The following LIFR variants were observed in gnomAD, a reference collection of about 807,000 sequenced individuals.
LIFR encodes the protein leukemia inhibitory factor receptor.
A neutral mutation model predicts 122.2 loss-of-function variants in LIFR; 84 were observed. That is an observed-to-expected ratio of 0.69 (90% CI 0.58 to 0.82). The LOEUF (loss-of-function observed/expected upper bound fraction) is 0.82. LIFR is among the 40% of genes least tolerant of loss of function. LIFR has a pLI of 0.00. For synonymous variants in LIFR, 422 were observed against 434.7 expected, an observed-to-expected ratio of 0.97 and a Z score of 0.36; for missense variants, 1,294 against 1,311.6, an observed-to-expected ratio of 0.99 and a Z score of 0.21.
In LIFR at chr5:38,564,051, T is replaced by C. The variant is rs375661367; in HGVS notation, c.-20+31210A>G. On this transcript the variant is annotated intron_variant, in intron 1 of 19. Transcript: ENST00000263409. ...GTCTCTCTTTAGTCCAAATGGCTCC[T>C]GTCCTTTGTCTCTGTAGGGTTGAAT... Among the ~76,000 whole-genome samples the C allele has an allele frequency of 5.0e-4, 76 of 152,328 alleles. 1 individual carries two copies. The highest frequency in any genetic ancestry group is 1.8e-3 in the African/African-American group (73 of 41,580).
intron 1 of LIFR, among the ~76,000 whole-genome samples, chr5:38,589,554 C>T (rs1292056070): frequency 6.6e-6 from 1 of 151,928 alleles, no homozygotes; most frequent in East Asian, 1.9e-4. Flanking sequence ...AATCTAGTAC[C>T]ATCAAATTTA....
At chr5:38,486,718 A>C (rs1744303873) in intron 16 of LIFR, among the ~76,000 whole-genome samples, 1 of 152,104 alleles carries the variant, frequency 6.6e-6, no homozygotes, top group African/African-American at 2.4e-5. Context: ...AAAGTAGCAA[A>C]CTTAGAGAGA....
rs1292988582 is a variant in LIFR, at chr5:38,479,773, A to T, written c.*1822T>A. On this transcript the variant is annotated 3_prime_UTR_variant, in exon 20 of 20. Coordinates refer to ENST00000453190, the MANE Select transcript of LIFR (RefSeq NM_001127671.2). ...AAGCTAAGGGAAGGAGCCAAAGAGG[A>T]TACAAAGGAAGACAAGAGAACACTC... The T allele has an allele frequency of 4.3e-6, 1 of 231,382 alleles. No individual in the cohort carries two copies. Among genetic ancestry groups the T allele is most frequent in the Non-Finnish European group, 8.5e-6 (1 of 116,976 alleles). 14.3% of individuals were successfully genotyped at this position (231,382 alleles called of 1,614,324 possible). A position where few individuals can be genotyped will look rare whatever the true frequency, so the allele number is the denominator to read the frequency against.
intron 5 of LIFR, among the ~76,000 whole-genome samples, chr5:38,515,950 T>C (rs1225376897): frequency 6.6e-6 from 1 of 152,136 alleles, no homozygotes; most frequent in East Asian, 1.9e-4. Flanking sequence ...TGCAAAATAA[T>C]AGGATATCAT....
chr5:38,571,349 C>T lies in LIFR; in HGVS notation c.-20+23912G>A, dbSNP rs187556979. On this transcript the variant is annotated intron_variant, in intron 1 of 19. Coordinates refer to the LIFR transcript ENST00000263409. ...GGCGGATCACTTGAAGTCAGGAGTT[C>T]GAGACCAGCCTGGCCAATATGGTGA... Among the ~76,000 whole-genome samples the T allele has an allele frequency of 2.2e-3, 331 of 151,978 alleles. 1 individual carries two copies. Among genetic ancestry groups the T allele is most frequent in the African/African-American group, 7.7e-3 (319 of 41,440 alleles).
intron 2 of LIFR, among the ~76,000 whole-genome samples, chr5:38,602,452 C>G (rs1456048105): frequency 1.3e-5 from 2 of 152,200 alleles, no homozygotes; most frequent in Admixed American, 6.5e-5. Flanking sequence ...TTAAGTCGTT[C>G]AAGCCCCAGT....
In LIFR at chr5:38,489,284, T is replaced by C. The variant is rs760421395; in HGVS notation, c.2168-39A>G. On this transcript the variant is annotated intron_variant, in intron 15 of 19. Transcript: ENST00000453190. ...AAGTCAATTGCTAAAGGGGAGTGTA[T>C]GAATACAGAGTAATACAGTAATGTT... The C allele has an allele frequency of 2.0e-6, 3 of 1,488,092 alleles. No homozygotes were observed. The East Asian group carries it at 6.8e-5, about 34-fold the overall frequency. 92.2% of individuals were successfully genotyped at this position (1,488,092 alleles called of 1,614,324 possible).
At chr5:38,498,454 TG>T (rs1253298033) in intron 12 of LIFR, among the ~76,000 whole-genome samples, 1 of 152,118 alleles carries the variant, frequency 6.6e-6, no homozygotes, top group African/African-American at 2.4e-5. Flanking sequence ...ACCTCTCCCC[TG>T]AGCTCCAGAG....
At chr5:38,604,436 G>A (rs938152040) in intron 2 of LIFR, among the ~76,000 whole-genome samples, 2 of 152,198 alleles carry the variant, frequency 1.3e-5, no homozygotes, top group African/African-American at 4.8e-5. Flanking sequence ...GCTGGGAGTG[G>A]TGGATCACAC....
Position 38,482,128 on chromosome 5 carries a change from C to T in LIFR, c.2761G>A (p.Glu921Lys), listed in dbSNP as rs1744026431. 2 of 1,584,404 alleles carry T rather than the reference C, an allele frequency of 1.3e-6. No individual in the cohort carries two copies. The highest frequency in any genetic ancestry group is 1.7e-6 in the Non-Finnish European group (2 of 1,169,810). The change falls in exon 20 of 20, where the codon GAA (glutamate) becomes AAA (lysine). Residue 921 changes from glutamate (E) to lysine (K), a missense_variant. By Grantham distance (56) the Glu-to-Lys change is moderately conservative (BLOSUM62 1). Transcript: ENST00000453190. ...LETRSAFPKIEDTEIISPVAE... is the reference protein window; with the variant it reads ...LETRSAFPKIKDTEIISPVAE... Reference sequence around the variant, plus strand: ...ACTGGGGAAATTATTTCTGTATCTTCTATTTTAGGAAATGCTGATCGAGTT... The same window carrying T: ...ACTGGGGAAATTATTTCTGTATCTTTTATTTTAGGAAATGCTGATCGAGTT...
At chr5:38,601,715 C>G (rs144283326) in intron 2 of LIFR, among the ~76,000 whole-genome samples, 1 of 152,256 alleles carries the variant, frequency 6.6e-6, no homozygotes, top group East Asian at 1.9e-4. Context: ...TTTGCGTTTC[C>G]TTTTTCACTT....
At chr5:38,533,540 G>A (rs1225543546) in intron 1 of LIFR, among the ~76,000 whole-genome samples, 1 of 152,140 alleles carries the variant, frequency 6.6e-6, no homozygotes, top group Non-Finnish European at 1.5e-5. Flanking sequence ...GAGAATTCTG[G>A]TTCCAGTGTA....
intron 2 of LIFR, among the ~76,000 whole-genome samples, chr5:38,600,695 TC>T (rs1342943900): frequency 3.3e-5 from 5 of 152,284 alleles, no homozygotes; most frequent in African/African-American, 1.2e-4. Flanking sequence ...CCTCTCTTGG[TC>T]CCCTAAAAGA....
intron 12 of LIFR, 135 bp downstream of exon 12, chr5:38,499,378 C>A: frequency 1.5e-6 from 1 of 674,606 alleles, no homozygotes; most frequent in Admixed American, 2.3e-5. Flanking sequence ...GTTTAGGAAC[C>A]AGGTTAGATT....
At position 38,509,525 on chromosome 5, in the gene LIFR, A is replaced by G. The variant is rs532103492; in HGVS notation, c.991+939T>C. Among the ~76,000 whole-genome samples, 3 of 152,324 alleles carry G rather than the reference A, an allele frequency of 2.0e-5. No homozygotes were observed. In the South Asian group the frequency reaches 6.2e-4, roughly 32 times the overall value. ...TCATCACGAAGTACTGTATGAGTAA[A>G]CGAGAGAGCTGCTGATCTAGACCAC... On this transcript the variant is annotated intron_variant, in intron 7 of 19. Coordinates refer to ENST00000453190, the MANE Select transcript of LIFR (RefSeq NM_001127671.2).
At chr5:38,519,081 T>C (rs1746261119) in intron 5 of LIFR, among the ~76,000 whole-genome samples, 1 of 152,072 alleles carries the variant, frequency 6.6e-6, no homozygotes, top group Non-Finnish European at 1.5e-5. Flanking sequence ...TACAAAAGAG[T>C]CAAAATATTT....
chr5:38,477,383 C>T lies in LIFR; in HGVS notation c.*4212G>A. 4.7e-6 allele frequency: 1 copy of T among 212,168 alleles called. No individual in the cohort carries two copies. The highest frequency in any genetic ancestry group is 7.2e-5 in the East Asian group (1 of 13,950). 13.1% of individuals were successfully genotyped at this position (212,168 alleles called of 1,614,324 possible). Reference sequence around the variant, plus strand: ...TCTAGAATAAATAAGATGGGCATGACAGCATGAAACTTCATTTCAGCAGGA... The same window carrying T: ...TCTAGAATAAATAAGATGGGCATGATAGCATGAAACTTCATTTCAGCAGGA... On this transcript the variant is annotated 3_prime_UTR_variant, in exon 20 of 20. Coordinates refer to ENST00000453190, the MANE Select transcript of LIFR (RefSeq NM_001127671.2).
intron 1 of LIFR, among the ~76,000 whole-genome samples, chr5:38,586,586 A>C (rs532562312): frequency 7.9e-5 from 12 of 152,138 alleles, no homozygotes; most frequent in Non-Finnish European, 1.3e-4. Context: ...GTCATTTTCC[A>C]AGTGCTAACA....
At chr5:38,599,127 C>T (rs1179470209), upstream of LIFR, among the ~76,000 whole-genome samples, 1 of 152,120 alleles carries the variant, frequency 6.6e-6, no homozygotes, top group Non-Finnish European at 1.5e-5. Flanking sequence ...AAGAGCATAA[C>T]TTAGAAATGA....
Sources: allele counts gnomAD v4.1 joint callset (sites outside exome capture counted in the v4.1 genomes callset), GRCh38; gene constraint gnomAD v4.1.1; transcripts MANE v1.5; gene names NCBI Gene and HGNC (gene_info 2026-07-23, HGNC 2026-07-21).